CEP128: variants seen among roughly 807,000 people sequenced by gnomAD.
CEP128 encodes centrosomal protein 128, also known as centrosomal protein 128kDa.
In CEP128, 132 loss-of-function variants were observed where a neutral mutation model predicts 156.7. The observed-to-expected ratio is 0.84, with a 90% CI of 0.73 to 0.97. The LOEUF (loss-of-function observed/expected upper bound fraction) is 0.97, where lower values mean the gene tolerates loss of function less well. Among genes scored for constraint, CEP128 ranks in the 50% least tolerant of loss-of-function variants. The probability of loss-of-function intolerance (pLI) is 0.00; values close to 1 mark genes in which losing one functional copy is unlikely to be tolerated. For missense variants in CEP128, 1,252 were observed against 1,281.9 expected, an observed-to-expected ratio of 0.98 and a Z score of 0.36; for synonymous variants, 469 against 448.9, an observed-to-expected ratio of 1.04 and a Z score of -0.57.
rs116413870 is a variant in CEP128, at chr14:80,867,786, G to T, written c.646-4913C>A. ...GGAGCAAAGAAAGAGAAGGAGATGA[G>T]AGGAGTTTACTTAAAGAAATAATAG... is the stretch of plus-strand genomic sequence containing the variant. On this transcript the variant is annotated intron_variant, in intron 8 of 24. Transcript: ENST00000555265. 5.8e-3 allele frequency among the ~76,000 whole-genome samples: 890 copies of T among 152,242 alleles called. 18 individuals carry two copies. The highest frequency in any genetic ancestry group is 0.021 in the African/African-American group (854 of 41,564).
At chr14:80,729,114 TGTGTGTGTGTGTG>T (rs1898158563) in intron 19 of CEP128, among the ~76,000 whole-genome samples, 1 of 141,902 alleles carries the variant, frequency 7.0e-6, no homozygotes, top group African/African-American at 2.8e-5. Flanking sequence ...TGTGTGTGTG[TGTGTGTGTGTGTG>T]TTTACCCAGT....
chr14:80,806,738 A>C, intron 13 of CEP128, among the ~76,000 whole-genome samples: 1 of 152,214 alleles, frequency 6.6e-6, no homozygotes, highest in East Asian at 1.9e-4. Flanking sequence ...AAAGACATAC[A>C]CCTATATCTC....
At chr14:80,805,965 T>C (rs1238504996) in intron 13 of CEP128, among the ~76,000 whole-genome samples, 2 of 152,170 alleles carry the variant, frequency 1.3e-5, no homozygotes, top group Non-Finnish European at 2.9e-5. Context: ...TAACAATCTT[T>C]AAAACTTGAT....
intron 19 of CEP128, among the ~76,000 whole-genome samples, chr14:80,602,007 TA>T (rs1001162501): frequency 8.5e-5 from 13 of 152,082 alleles, no homozygotes; most frequent in Non-Finnish European, 1.6e-4. Flanking sequence ...AAAAGTAGGT[TA>T]AAAAAGGATG....
chr14:80,497,870 T>G (rs1216035132), intron 24 of CEP128, among the ~76,000 whole-genome samples: 2 of 152,186 alleles, frequency 1.3e-5, no homozygotes, highest in Non-Finnish European at 2.9e-5. Flanking sequence ...GGTGTGCACG[T>G]GCACACGCAC....
intron 8 of CEP128, among the ~76,000 whole-genome samples, chr14:80,874,365 G>T (rs886270647): frequency 6.6e-6 from 1 of 151,926 alleles, no homozygotes; most frequent in African/African-American, 2.4e-5. Flanking sequence ...TCAGGAGGCT[G>T]ACGCAGGAGA....
intron 2 of CEP128, among the ~76,000 whole-genome samples, chr14:80,953,397 A>G (rs1475660780): frequency 5.9e-5 from 9 of 152,176 alleles, no homozygotes; most frequent in Non-Finnish European, 1.2e-4. Flanking sequence ...CAGCCTGGCC[A>G]ACATGGTGAA....
Position 80,848,995 on chromosome 14 carries a change from A to G in CEP128, c.763-8227T>C, listed in dbSNP as rs189389615. On this transcript the variant is annotated intron_variant, in intron 9 of 24. Coordinates refer to ENST00000555265, the MANE Select transcript of CEP128 (RefSeq NM_152446.5). Reference sequence around the variant, plus strand: ...TTATCTGATTCTGTAAAAGACCACAAGGAGGTAAGAATGGAAGCAAGGAGG... The same window carrying G: ...TTATCTGATTCTGTAAAAGACCACAGGGAGGTAAGAATGGAAGCAAGGAGG... Among the ~76,000 whole-genome samples the G allele has an allele frequency of 7.9e-5, 12 of 152,248 alleles. No individual in the cohort carries two copies. In the East Asian group the frequency reaches 1.9e-3, roughly 24 times the overall value.
chr14:80,929,247 A>C (rs948756614), intron 2 of CEP128, among the ~76,000 whole-genome samples: 48 of 152,212 alleles, frequency 3.2e-4, no homozygotes, highest in African/African-American at 1.1e-3. Context: ...TAATGAAATG[A>C]GAATGCTTAT....
chr14:80,790,618 C>T (rs1901654357), intron 14 of CEP128, among the ~76,000 whole-genome samples: 2 of 151,790 alleles, frequency 1.3e-5, no homozygotes, highest in Admixed American at 1.3e-4. Flanking sequence ...TGATATTACA[C>T]ATCCTTCAGT....
chr14:80,759,705 G>C, intron 17 of CEP128, among the ~76,000 whole-genome samples: 1 of 152,078 alleles, frequency 6.6e-6, no homozygotes, highest in Non-Finnish European at 1.5e-5. Flanking sequence ...GGGAAGAAGT[G>C]TAAAACCCAT....
intron 8 of CEP128, among the ~76,000 whole-genome samples, chr14:80,887,087 A>G (rs1888843279): frequency 1.3e-5 from 2 of 152,232 alleles, no homozygotes; most frequent in African/African-American, 2.4e-5. Context: ...ACTACCCTAA[A>G]TATATATGCG....
rs761932412 is a variant in CEP128, at chr14:80,687,293, G to A, written c.2806+55782C>T. On this transcript the variant is annotated intron_variant, in intron 19 of 24. Coordinates refer to ENST00000555265, the MANE Select transcript of CEP128 (RefSeq NM_152446.5). ...TTTATATGCTCATATGTTCATCACAGGACAATTCACAATAGCAATGACATT... is the reference window on the plus strand; with the variant it reads ...TTTATATGCTCATATGTTCATCACAAGACAATTCACAATAGCAATGACATT... Among the ~76,000 whole-genome samples the A allele has an allele frequency of 2.3e-4, 35 of 152,100 alleles. No homozygotes were observed. The Middle Eastern group carries it at 0.024, about 104-fold the overall frequency.
chr14:80,587,324 T>C (rs1401178416), intron 19 of CEP128, among the ~76,000 whole-genome samples: 1 of 152,192 alleles, frequency 6.6e-6, no homozygotes, highest in Non-Finnish European at 1.5e-5. Context: ...TCAAAAAGTA[T>C]GGCTATCCCT....
chr14:80,732,899 T>C (rs1044847903), intron 19 of CEP128, among the ~76,000 whole-genome samples: 55 of 151,914 alleles, frequency 3.6e-4, no homozygotes, highest in African/African-American at 1.3e-3. Context: ...TATGAAGCAA[T>C]AAAGAGCTAA....
chr14:80,853,474 T>C (rs1033679497), intron 9 of CEP128, among the ~76,000 whole-genome samples: 6 of 151,788 alleles, frequency 4.0e-5, no homozygotes, highest in Admixed American at 1.3e-4. Context: ...ATGAAGCCAG[T>C]TGTACCCCTG....
rs1402414436 is a variant in CEP128, at chr14:80,732,187, G to C, written c.2806+10888C>G. Among the ~76,000 whole-genome samples the C allele has an allele frequency of 2.0e-5, 3 of 152,256 alleles. No individual in the cohort carries two copies. In the East Asian group the frequency reaches 5.8e-4, roughly 29 times the overall value. ...AAACCTAGTATTAAATAATATATATGCAGATAACCAGAGGAAACAGCAATA... is the reference window on the plus strand; with the variant it reads ...AAACCTAGTATTAAATAATATATATCCAGATAACCAGAGGAAACAGCAATA... On this transcript the variant is annotated intron_variant, in intron 19 of 24. Transcript: ENST00000555265.
At chr14:80,696,701 T>C (rs1309019007) in intron 19 of CEP128, among the ~76,000 whole-genome samples, 2 of 152,014 alleles carry the variant, frequency 1.3e-5, no homozygotes, top group African/African-American at 4.8e-5. Flanking sequence ...TCAGTGAGAG[T>C]AGTTTCATAA....
chr14:80,500,059 C>T (rs1020068112), intron 24 of CEP128, among the ~76,000 whole-genome samples: 31 of 152,318 alleles, frequency 2.0e-4, no homozygotes, highest in Non-Finnish European at 3.8e-4. Context: ...TACATTTCTT[C>T]CCTTCTTCCT....
Sources: gnomAD v4.1 joint callset for allele counts (sites outside exome capture counted in the v4.1 genomes callset) on GRCh38, gnomAD v4.1.1 for gene constraint, MANE v1.5 for transcripts, NCBI Gene and HGNC (gene_info 2026-07-23, HGNC 2026-07-21) for gene names.